Variants in JARID2 observed in about 807,000 individuals in gnomAD.
The protein encoded by JARID2 is jumonji and AT-rich interaction domain containing 2.
A neutral mutation model predicts 125.6 loss-of-function variants in JARID2; 21 were observed. That is an observed-to-expected ratio of 0.17 (90% CI 0.12 to 0.24). The LOEUF is 0.24. JARID2 is among the 10% of genes least tolerant of loss of function. The pLI is 1.00. For missense variants in JARID2, 1,303 were observed against 1,639.6 expected, an observed-to-expected ratio of 0.79 and a Z score of 3.55; for synonymous variants, 736 against 661.6, an observed-to-expected ratio of 1.11 and a Z score of -1.73.
chr6:15,512,431 C>T (rs751700203), intron 14 of JARID2, 41 bp downstream of exon 14: 13 of 1,591,622 alleles, frequency 8.2e-6, no homozygotes, highest in Non-Finnish European at 1.1e-5. Context: ...GCCCCCGCAT[C>T]CCTGTGAGTG....
intron 3 of JARID2, among the ~76,000 whole-genome samples, chr6:15,425,275 A>G (rs569756498): frequency 1.4e-4 from 22 of 152,354 alleles, no homozygotes; most frequent in African/African-American, 5.0e-4. Flanking sequence ...CAAGGAGCAC[A>G]TATGCATAGG....
intron 5 of JARID2, among the ~76,000 whole-genome samples, chr6:15,473,314 C>T (rs534183043): frequency 1.3e-5 from 2 of 152,262 alleles, no homozygotes; most frequent in African/African-American, 4.8e-5. Flanking sequence ...CAGATGAACA[C>T]GGCAATAGGA....
chr6:15,346,566 G>T (rs571505324), intron 1 of JARID2, among the ~76,000 whole-genome samples: 82 of 152,004 alleles, frequency 5.4e-4, no homozygotes, highest in African/African-American at 1.9e-3. Flanking sequence ...TACGCGTTTG[G>T]TTGATGCATC....
chr6:15,265,725 C>A (rs1760059556), intron 1 of JARID2, among the ~76,000 whole-genome samples: 2 of 152,166 alleles, frequency 1.3e-5, no homozygotes, highest in Non-Finnish European at 2.9e-5. Context: ...ACCCTCTTCC[C>A]CAGGGACCTG....
At chr6:15,447,484 C>T (rs1767725135) in intron 3 of JARID2, among the ~76,000 whole-genome samples, 1 of 152,200 alleles carries the variant, frequency 6.6e-6, no homozygotes, top group Non-Finnish European at 1.5e-5. Context: ...CAGGAAGGCC[C>T]ATCCTGACTA....
chr6:15,502,372 G>GACTT (rs957795536), intron 8 of JARID2, among the ~76,000 whole-genome samples: 1 of 152,250 alleles, frequency 6.6e-6, no homozygotes, highest in African/African-American at 2.4e-5. Context: ...TCCCGGCACA[G>GACTT]ACTTGTCCTC....
intron 13 of JARID2, among the ~76,000 whole-genome samples, chr6:15,511,801 T>C (rs1238263327): frequency 5.9e-5 from 9 of 152,192 alleles, no homozygotes; most frequent in Non-Finnish European, 1.3e-4. Flanking sequence ...TTCTCTGGCC[T>C]CTGCTGACCC....
intron 6 of JARID2, among the ~76,000 whole-genome samples, chr6:15,488,405 C>G (rs77561108): frequency 6.6e-6 from 1 of 152,186 alleles, no homozygotes; most frequent in African/African-American, 2.4e-5. Context: ...TTTTAACATC[C>G]GCTAAGTCAT....
chr6:15,449,818 A>G (rs1284208205), intron 3 of JARID2, among the ~76,000 whole-genome samples: 2 of 152,088 alleles, frequency 1.3e-5, no homozygotes, highest in Non-Finnish European at 1.5e-5. Context: ...ATATTATTAG[A>G]CGGTGGTGTT....
chr6:15,514,246 G>A (rs1771436167), intron 16 of JARID2, among the ~76,000 whole-genome samples: 2 of 152,222 alleles, frequency 1.3e-5, no homozygotes, highest in South Asian at 4.1e-4. Flanking sequence ...CTCTGGGTAG[G>A]GACGCCCAGC....
chr6:15,449,133 T>A (rs1480518132), intron 3 of JARID2, among the ~76,000 whole-genome samples: 1 of 152,104 alleles, frequency 6.6e-6, no homozygotes, highest in Non-Finnish European at 1.5e-5. Flanking sequence ...AGATCCTGCC[T>A]CTGGGCTTCT....
intron 4 of JARID2, 57 bp downstream of exon 4, chr6:15,452,232 G>C: frequency 1.3e-6 from 2 of 1,592,854 alleles, no homozygotes; most frequent in Non-Finnish European, 1.7e-6. Flanking sequence ...TAAGCCTGAG[G>C]TCTACGTGGA....
intron 2 of JARID2, among the ~76,000 whole-genome samples, chr6:15,406,458 G>A (rs1015272913): frequency 1.3e-5 from 2 of 152,080 alleles, no homozygotes; most frequent in African/African-American, 4.8e-5. Context: ...GGGAGCCTAT[G>A]GCCCTTTAAT....
chr6:15,422,446 A>G (rs1309231839), intron 3 of JARID2, among the ~76,000 whole-genome samples: 1 of 152,082 alleles, frequency 6.6e-6, no homozygotes, highest in Non-Finnish European at 1.5e-5. Flanking sequence ...TCAGTGTCTG[A>G]GGTTGGATAG....
chr6:15,248,879 A>C (rs879831082), intron 1 of JARID2: 59 of 982,968 alleles, frequency 6.0e-5, no homozygotes, highest in Non-Finnish European at 7.0e-5. Context: ...GCTGCCGCAG[A>C]GCCGGGCTGC....
chr6:15,464,546 G>C (rs899161978), intron 4 of JARID2, among the ~76,000 whole-genome samples: 3 of 152,190 alleles, frequency 2.0e-5, no homozygotes. Flanking sequence ...CCATATCCAG[G>C]CTTGGGGAGA....
At position 15,374,258 on chromosome 6, in the gene JARID2, T is replaced by G; in HGVS notation, c.181+6T>G. The G allele has an allele frequency of 6.2e-7, 1 of 1,613,472 alleles. No homozygotes were observed. Among genetic ancestry groups the G allele is most frequent in the Non-Finnish European group, 8.5e-7 (1 of 1,179,608 alleles). On this transcript the variant is annotated splice_donor_region_variant and intron_variant, in intron 2 of 17. Coordinates refer to ENST00000341776, the MANE Select transcript of JARID2 (RefSeq NM_004973.4). ...GAGCCTGAAAACTGTGAATGGTGAG[T>G]TGACTCTTGGAATATCTCATTGGAA...
intron 3 of JARID2, among the ~76,000 whole-genome samples, chr6:15,427,760 C>T (rs1339901490): frequency 2.0e-5 from 3 of 151,930 alleles, no homozygotes; most frequent in African/African-American, 2.4e-5. Flanking sequence ...TGGCATCTTA[C>T]GTGAAAGGCA....
intron 4 of JARID2, among the ~76,000 whole-genome samples, chr6:15,453,319 A>T (rs1768005407): frequency 3.9e-5 from 6 of 152,242 alleles, no homozygotes; most frequent in Admixed American, 3.3e-4. Flanking sequence ...TGACCTCAAC[A>T]CTTGAAAATT....
Sources: gnomAD v4.1 joint callset for allele counts (sites outside exome capture counted in the v4.1 genomes callset) on GRCh38, gnomAD v4.1.1 for gene constraint, MANE v1.5 for transcripts, NCBI Gene and HGNC (gene_info 2026-07-23, HGNC 2026-07-21) for gene names.